The following SGO1 variants were observed in gnomAD, a reference collection of about 807,000 sequenced individuals.
SGO1 encodes the protein serologically defined breast cancer antigen NY-BR-85.
Under a neutral mutation model 50.5 loss-of-function variants are expected in SGO1, and 39 were observed. The observed-to-expected ratio is 0.77, with a 90% CI of 0.60 to 1.01. The LOEUF (loss-of-function observed/expected upper bound fraction) is 1.01. SGO1 is among the 50% of genes least tolerant of loss of function. The probability of loss-of-function intolerance (pLI) is 0.00; values close to 1 mark genes in which losing one functional copy is unlikely to be tolerated. For synonymous variants in SGO1, 191 were observed against 205.1 expected, an observed-to-expected ratio of 0.93 and a Z score of 0.59; for missense variants, 638 against 606.0, an observed-to-expected ratio of 1.05 and a Z score of -0.55.
At chr3:20,166,842 CAAAAAAAAA>C (rs58288144), downstream of SGO1, among the ~76,000 whole-genome samples, 836 of 42,796 alleles carry the variant, frequency 0.02, 10 homozygotes, top group African/African-American at 0.077. Flanking sequence ...CCATCTCTAC[CAAAAAAAAA>C]AAAAAAAAAA....
At chr3:20,176,565 C>T in intron 5 of SGO1, 36 bp downstream of exon 5, 3 of 1,276,058 alleles carry the variant, frequency 2.4e-6, no homozygotes, top group Non-Finnish European at 1.1e-6. Context: ...CCTTATTTTG[C>T]CCTTAATAAT....
rs1446600479 is a variant in SGO1 at position 20,161,160 on chromosome 3, G to T, written c.1631C>A (p.Ser544Ter). 1.2e-6 allele frequency: 2 copies of T among 1,613,280 alleles called. No homozygotes were observed. The highest frequency in any genetic ancestry group is 1.7e-5 in the Admixed American group (1 of 59,858). ...ACATTTCCTACAGTCTGGGAATCTC[G>T]AAACAAATTCTCGAACATAATATAA... Residue 544 changes from serine (S) to a stop codon, truncating the protein, a stop_gained, in exon 9 of 9, where the codon TCG (serine) becomes TAG (stop). Transcript: ENST00000263753. LOFTEE classifies it high-confidence loss of function.
At chr3:20,181,804 G>A (rs1032918477) in intron 3 of SGO1, among the ~76,000 whole-genome samples, 9 of 152,178 alleles carry the variant, frequency 5.9e-5, no homozygotes, top group East Asian at 3.8e-4. Flanking sequence ...AATCTACCAC[G>A]CCTGGCACAG....
downstream of SGO1, chr3:20,169,405 A>C: frequency 1.0e-6 from 1 of 985,028 alleles, no homozygotes; most frequent in East Asian, 1.1e-4. Flanking sequence ...AGGGGAGAGG[A>C]AATGTCCAAG....
At chr3:20,176,194 T>C (rs998369942) in intron 5 of SGO1, among the ~76,000 whole-genome samples, 2 of 152,206 alleles carry the variant, frequency 1.3e-5, no homozygotes, top group East Asian at 3.9e-4. Flanking sequence ...GAGTTCAACT[T>C]TGATTTTAAA....
In SGO1 at chr3:20,184,010, GCATCTTTCCTTGGC is replaced by G; in HGVS notation, c.4_17del (p.Ala2ProfsTer8). 1 of 1,580,532 alleles carries G rather than the reference GCATCTTTCCTTGGC, an allele frequency of 6.3e-7. No homozygotes were observed. Among genetic ancestry groups the G allele is most frequent in the Non-Finnish European group, 8.6e-7 (1 of 1,169,580 alleles). ...GACTATCTTGAAAGGACTTTTTCAG[GCATCTTTCCTTGGC>G]CATCTTTTGCCTAAACAATAAAAAA... On this transcript the variant is annotated frameshift_variant, in exon 2 of 8. Transcript: ENST00000412997. LOFTEE classifies it high-confidence loss of function.
chr3:20,170,548 T>C lies in SGO1; in HGVS notation c.*156A>G. On this transcript the variant is annotated 3_prime_UTR_variant, in exon 8 of 8. Transcript: ENST00000412997. Reference sequence around the variant, plus strand: ...AAAGTTTTAATACAAAGCATCCCATTTGAAGTATAGTTCTGAAGAAATGTT... The same window carrying C: ...AAAGTTTTAATACAAAGCATCCCATCTGAAGTATAGTTCTGAAGAAATGTT... The C allele has an allele frequency of 1.6e-6, 2 of 1,261,412 alleles. No individual in the cohort carries two copies. Among genetic ancestry groups the C allele is most frequent in the Non-Finnish European group, 1.0e-6 (1 of 1,002,670 alleles). 78.1% of individuals were successfully genotyped at this position (1,261,412 alleles called of 1,614,324 possible). A position where few individuals can be genotyped will look rare whatever the true frequency, so the allele number is the denominator to read the frequency against.
chr3:20,173,382 C>T (rs145646383), intron 6 of SGO1, among the ~76,000 whole-genome samples: 8,149 of 152,092 alleles, frequency 0.054, 219 homozygotes, highest in Non-Finnish European at 0.058. Context: ...TCAGGTGATC[C>T]GCCCACCTCA....
chr3:20,166,842 CAAAAAAAAAAAAA>C (rs58288144), downstream of SGO1, among the ~76,000 whole-genome samples: 5 of 42,734 alleles, frequency 1.2e-4, no homozygotes, highest in African/African-American at 2.9e-4. Flanking sequence ...CCATCTCTAC[CAAAAAAAAAAAAA>C]AAAAAAAAAA....
At position 20,183,676 on chromosome 3, in the gene SGO1, A is replaced by G; in HGVS notation, c.271T>C (p.Tyr91His). The change falls in exon 3 of 8, where the codon TAT becomes CAT. Residue 91 changes from tyrosine to histidine, a missense_variant. Tyr to His is a moderately conservative substitution (Grantham distance 83). Coordinates refer to ENST00000412997, the MANE Select transcript of SGO1 (RefSeq NM_001199251.3). ...IILQLRKECYYLTCQLYALKG... is the reference protein window; with the variant it reads ...IILQLRKECYHLTCQLYALKG... The stretch of plus-strand genomic sequence containing the variant: ...AATGCATATAGCTGACATGTGAGAT[A>G]GTAACATTCTTTTCTCAGCTGTAGG... The G allele has an allele frequency of 6.2e-7, 1 of 1,611,930 alleles. No homozygotes were observed. The highest frequency in any genetic ancestry group is 8.5e-7 in the Non-Finnish European group (1 of 1,179,450).
intron 3 of SGO1, among the ~76,000 whole-genome samples, chr3:20,181,637 T>A (rs760648261): frequency 3.9e-5 from 6 of 152,226 alleles, no homozygotes; most frequent in Admixed American, 6.5e-5. Flanking sequence ...TCATTGAGTA[T>A]TTGCTTCCTA....
At chr3:20,184,750 A>G (rs1249867514) in intron 1 of SGO1, among the ~76,000 whole-genome samples, 2 of 152,240 alleles carry the variant, frequency 1.3e-5, no homozygotes, top group African/African-American at 4.8e-5. Flanking sequence ...TGAACATAAC[A>G]AATCAGACAT....
rs375535687 is a variant in SGO1, at chr3:20,161,145, C to T, written c.1646G>A (p.Cys549Tyr). 5.0e-6 allele frequency: 8 copies of T among 1,613,664 alleles called. No homozygotes were observed. In the African/African-American group the frequency reaches 1.1e-4, roughly 22 times the overall value. Residue 549 changes from cysteine to tyrosine, a missense_variant, in exon 9 of 9, where the codon TGT becomes TAT. Transcript: ENST00000263753. The stretch of plus-strand genomic sequence containing the variant: ...GTGGGTTTCAAGTTTACATTTCCTA[C>T]AGTCTGGGAATCTCGAAACAAATTC...
At chr3:20,169,192 T>C (rs529754686), downstream of SGO1, 108 of 985,228 alleles carry the variant, frequency 1.1e-4, no homozygotes, top group African/African-American at 1.7e-3. Context: ...AAATCTGAGA[T>C]ATCAGGATTA....
At chr3:20,178,144 T>G (rs2125336036) in intron 4 of SGO1, 127 bp downstream of exon 4, 1 of 672,518 alleles carries the variant, frequency 1.5e-6, no homozygotes, top group Middle Eastern at 4.2e-4. Context: ...TTAAATATAT[T>G]CTCAGTAGAG....
At chr3:20,185,107 A>G (rs145415684) in intron 1 of SGO1, among the ~76,000 whole-genome samples, 56 of 152,342 alleles carry the variant, frequency 3.7e-4, no homozygotes, top group African/African-American at 1.3e-3. Flanking sequence ...GGTATTGTAG[A>G]TACCACTTAA....
At chr3:20,169,137 C>A (rs1700475305), downstream of SGO1, 1 of 985,266 alleles carries the variant, frequency 1.0e-6, no homozygotes, top group East Asian at 1.1e-4. Flanking sequence ...GATTTTGGCT[C>A]TGACTGACAT....
In SGO1 at chr3:20,183,988, T is replaced by C. The variant is rs1457772863; in HGVS notation, c.40A>G (p.Ser14Gly). ...ATTCGCTTCTTTATGTCTTCAAGACTATCTTGAAAGGACTTTTTCAGGCAT... is the reference window on the plus strand; with the variant it reads ...ATTCGCTTCTTTATGTCTTCAAGACCATCTTGAAAGGACTTTTTCAGGCAT... ...ERCLKKSFQD[S>G]LEDIKKRMKE... is the part of the protein sequence containing the mutation. The change falls in exon 2 of 8, where the codon AGT becomes GGT. Residue 14 changes from serine to glycine, a missense_variant. Transcript: ENST00000412997. The C allele has an allele frequency of 5.0e-6, 8 of 1,598,404 alleles. No individual in the cohort carries two copies. Among genetic ancestry groups the C allele is most frequent in the Admixed American group, 3.6e-5 (2 of 55,620 alleles).
chr3:20,170,407 A>T lies in SGO1; in HGVS notation c.*297T>A. On this transcript the variant is annotated 3_prime_UTR_variant, in exon 8 of 8. Coordinates refer to ENST00000412997, the MANE Select transcript of SGO1 (RefSeq NM_001199251.3). ...GAATGAAATTCCGCCTCCAAAAAAAAAAAAAGATATATTTCGACTAAAATT... is the reference window on the plus strand; with the variant it reads ...GAATGAAATTCCGCCTCCAAAAAAATAAAAAGATATATTTCGACTAAAATT... 3.0e-6 allele frequency: 3 copies of T among 984,676 alleles called. No homozygotes were observed. Among genetic ancestry groups the T allele is most frequent in the Non-Finnish European group, 3.6e-6 (3 of 826,898 alleles). The allele number at this position is 984,676 out of a possible 1,614,324, so 61.0% of individuals were successfully genotyped here.
Sources: allele counts gnomAD v4.1 joint callset (sites outside exome capture counted in the v4.1 genomes callset), GRCh38; gene constraint gnomAD v4.1.1; transcripts MANE v1.5; gene names NCBI Gene and HGNC (gene_info 2026-07-23, HGNC 2026-07-21).